The following CYRIB variants were observed in gnomAD, a reference collection of about 807,000 sequenced individuals.
The protein encoded by CYRIB is CYFIP related Rac1 interactor B, also known as CYFIP-related Rac1 interactor B.
In CYRIB, 8 loss-of-function variants were observed where a neutral mutation model predicts 44.2. That is an observed-to-expected ratio of 0.18 (90% confidence interval 0.11 to 0.33). The LOEUF (loss-of-function observed/expected upper bound fraction) is 0.33. Ranked by LOEUF, CYRIB falls within the 10% of genes least tolerant of loss-of-function variation. The pLI, the probability that CYRIB is intolerant of heterozygous loss-of-function variation, is 1.00. For missense variants in CYRIB, 185 were observed against 382.8 expected (o/e 0.48, Z 4.31); for synonymous variants, 131 against 127.2 (o/e 1.03, Z -0.20).
intron 1 of CYRIB, among the ~76,000 whole-genome samples, chr8:129,977,822 GCT>G (rs2132508595): frequency 6.6e-6 from 1 of 152,272 alleles, no homozygotes; most frequent in African/African-American, 2.4e-5. Flanking sequence ...GTGAGCCACT[GCT>G]CCCGTCCTGT....
chr8:129,882,445 C>T (rs2061130909), intron 2 of CYRIB, among the ~76,000 whole-genome samples: 1 of 152,160 alleles, frequency 6.6e-6, no homozygotes, highest in Non-Finnish European at 1.5e-5. Context: ...ACCTAAATAT[C>T]ACAAAATAAC....
At chr8:129,862,283 C>T (rs1196955228) in exon 5 of CYRIB, 1 of 1,613,796 alleles carries the variant, frequency 6.2e-7, no homozygotes, top group African/African-American at 1.3e-5. Context: ...AGTGGAACAA[C>T]TGCACCCCAT....
At chr8:129,992,689 T>C (rs192594076) in intron 1 of CYRIB, among the ~76,000 whole-genome samples, 151 of 152,366 alleles carry the variant, frequency 9.9e-4, no homozygotes, top group African/African-American at 3.4e-3. Context: ...TGATCACCCA[T>C]TGTTCGTATC....
At chr8:130,015,903 C>T (rs2097331456) in intron 1 of CYRIB, among the ~76,000 whole-genome samples, 1 of 152,192 alleles carries the variant, frequency 6.6e-6, no homozygotes, top group Non-Finnish European at 1.5e-5. Context: ...AAATCCAATG[C>T]GACTGGTCTT....
intron 1 of CYRIB, among the ~76,000 whole-genome samples, chr8:129,911,949 C>G (rs1327679918): frequency 6.6e-6 from 1 of 152,174 alleles, no homozygotes; most frequent in African/African-American, 2.4e-5. Context: ...ATGGCAGGTG[C>G]TGCAATCGTG....
chr8:129,876,188 C>T (rs1000607692), intron 3 of CYRIB, among the ~76,000 whole-genome samples: 1 of 151,810 alleles, frequency 6.6e-6, no homozygotes, highest in African/African-American at 2.4e-5. Context: ...TCTTCATGAG[C>T]TACACGTTGA....
chr8:129,848,705 A>G (rs1020700873), intron 10 of CYRIB, among the ~76,000 whole-genome samples: 75 of 150,844 alleles, frequency 5.0e-4, no homozygotes, highest in African/African-American at 1.8e-3. Flanking sequence ...CGTAGCTGTG[A>G]CTACCGATGT....
intron 1 of CYRIB, among the ~76,000 whole-genome samples, chr8:129,916,815 T>C (rs2081026459): frequency 6.6e-6 from 1 of 152,220 alleles, no homozygotes; most frequent in Non-Finnish European, 1.5e-5. Context: ...CTATTTAATA[T>C]GCAGTGCTTA....
rs376320576 is a variant in CYRIB, at chr8:129,910,138, A to T, written c.-49-6788T>A. Among the ~76,000 whole-genome samples the T allele has an allele frequency of 4.8e-4, 73 of 152,278 alleles. No individual in the cohort carries two copies. The East Asian group carries it at 0.01, about 22-fold the overall frequency. On this transcript the variant is annotated intron_variant, in intron 1 of 11. Transcript: ENST00000519824. ...CTAGTATGGGTTTATGTACCAGGCAACTTACTGTAACCTGGAACTCCTGGC... is the reference window on the plus strand; with the variant it reads ...CTAGTATGGGTTTATGTACCAGGCATCTTACTGTAACCTGGAACTCCTGGC...
At chr8:129,983,865 A>G (rs1235982693) in intron 1 of CYRIB, among the ~76,000 whole-genome samples, 2 of 152,210 alleles carry the variant, frequency 1.3e-5, no homozygotes, top group South Asian at 4.1e-4. Flanking sequence ...GCTGCCCCAT[A>G]AAGCCGATCT....
intron 1 of CYRIB, among the ~76,000 whole-genome samples, chr8:129,921,903 G>C (rs758821176): frequency 1.3e-5 from 2 of 152,078 alleles, no homozygotes; most frequent in Non-Finnish European, 2.9e-5. Flanking sequence ...AATTTGAGAG[G>C]CTTATGAGCC....
chr8:129,851,030 C>T, intron 8 of CYRIB, 116 bp from the exon 11 acceptor site: 3 of 666,056 alleles, frequency 4.5e-6, no homozygotes, highest in Non-Finnish European at 7.8e-6. Flanking sequence ...GGTTCCTACT[C>T]CTAATTTTCT....
chr8:129,853,672 T>C (rs958848364), intron 7 of CYRIB, among the ~76,000 whole-genome samples: 20 of 152,128 alleles, frequency 1.3e-4, no homozygotes, highest in Non-Finnish European at 2.9e-5. Flanking sequence ...AAAAGAGTAA[T>C]AAACAGCTTA....
intron 1 of CYRIB, among the ~76,000 whole-genome samples, chr8:129,999,069 G>C (rs557752233): frequency 3.9e-5 from 6 of 152,092 alleles, no homozygotes; most frequent in East Asian, 3.9e-4. Context: ...TCTGTTCCTA[G>C]AGTTAACGCT....
chr8:129,894,798 T>G (rs1316278357), intron 2 of CYRIB, among the ~76,000 whole-genome samples: 1 of 152,130 alleles, frequency 6.6e-6, no homozygotes, highest in Non-Finnish European at 1.5e-5. Flanking sequence ...CCAGCTTTTC[T>G]AGTATCTTTG....
chr8:129,965,420 C>T (rs2095435905), intron 2 of CYRIB, among the ~76,000 whole-genome samples: 1 of 152,160 alleles, frequency 6.6e-6, no homozygotes, highest in Admixed American at 6.6e-5. Context: ...TATTCTTAAA[C>T]TTAAGAATAT....
chr8:129,932,415 G>A (rs2091775172), intron 1 of CYRIB, among the ~76,000 whole-genome samples: 1 of 152,140 alleles, frequency 6.6e-6, no homozygotes, highest in Non-Finnish European at 1.5e-5. Flanking sequence ...GCAAAGGGCA[G>A]GCGTGCTTAT....
chr8:129,863,579 C>G (rs2051284442), intron 4 of CYRIB, among the ~76,000 whole-genome samples: 1 of 151,530 alleles, frequency 6.6e-6, no homozygotes, highest in Non-Finnish European at 1.5e-5. Flanking sequence ...TACTTATTCT[C>G]TATAACTAAA....
At chr8:129,987,370 A>C (rs1169841122) in intron 1 of CYRIB, among the ~76,000 whole-genome samples, 1 of 152,060 alleles carries the variant, frequency 6.6e-6, no homozygotes, top group Non-Finnish European at 1.5e-5. Flanking sequence ...GCTGGTTGCT[A>C]CTAGGTCCCA....
Sources: gnomAD v4.1 joint callset for allele counts (sites outside exome capture counted in the v4.1 genomes callset) on GRCh38, gnomAD v4.1.1 for gene constraint, MANE v1.5 for transcripts, NCBI Gene and HGNC (gene_info 2026-07-23, HGNC 2026-07-21) for gene names.